The following RYR3 variants were observed in gnomAD, a reference collection of about 807,000 sequenced individuals.
RYR3 encodes brain ryanodine receptor-calcium release channel.
RYR3 carries 207 observed loss-of-function variants against 584.3 expected under a neutral mutation model. The observed-to-expected ratio is 0.35, with a 90% CI of 0.32 to 0.40. The LOEUF (loss-of-function observed/expected upper bound fraction) is 0.40, where lower values mean the gene tolerates loss of function less well. RYR3 is among the 10% of genes least tolerant of loss of function. RYR3 has a pLI of 1.00. For missense variants in RYR3, 5,616 were observed against 6,089.2 expected (o/e 0.92, Z 2.59); for synonymous variants, 2,416 against 2,248.5 (o/e 1.07, Z -2.11).
intron 1 of RYR3, among the ~76,000 whole-genome samples, chr15:33,414,089 C>A (rs938209086): frequency 6.6e-6 from 1 of 152,152 alleles, no homozygotes; most frequent in Admixed American, 6.5e-5. Context: ...GTTATATATT[C>A]GTACCTTCAG....
chr15:33,694,558 T>C (rs1023496681), intron 38 of RYR3, among the ~76,000 whole-genome samples: 15 of 138,898 alleles, frequency 1.1e-4, no homozygotes, highest in Non-Finnish European at 2.5e-4. Flanking sequence ...TTTTTTTGAA[T>C]AATATGACAG....
At chr15:33,831,183 A>G in intron 86 of RYR3, 92 bp downstream of exon 86, 2 of 1,248,920 alleles carry the variant, frequency 1.6e-6, no homozygotes, top group Non-Finnish European at 2.2e-6. Context: ...GATTGTACAC[A>G]GTGCACTATC....
intron 10 of RYR3, among the ~76,000 whole-genome samples, chr15:33,557,031 C>T (rs967091): frequency 6.6e-6 from 1 of 152,126 alleles, no homozygotes; most frequent in Non-Finnish European, 1.5e-5. Context: ...TGGTACAATT[C>T]ATTAGTTAAC....
At chr15:33,714,794 A>G (rs1016232417) in intron 43 of RYR3, among the ~76,000 whole-genome samples, 3 of 152,206 alleles carry the variant, frequency 2.0e-5, no homozygotes, top group African/African-American at 4.8e-5. Flanking sequence ...TGAAGAGTCT[A>G]TGAGGGGCTG....
chr15:33,562,337 A>T (rs1240241851), intron 10 of RYR3, among the ~76,000 whole-genome samples: 1 of 152,238 alleles, frequency 6.6e-6, no homozygotes. Flanking sequence ...ACCCCTGCGT[A>T]TTCAAAGGGT....
intron 85 of RYR3, among the ~76,000 whole-genome samples, chr15:33,830,626 C>T (rs1308507825): frequency 4.0e-5 from 6 of 151,068 alleles, no homozygotes; most frequent in African/African-American, 1.5e-4. Flanking sequence ...CTGGCACTTA[C>T]AATATTAGCT....
At chr15:33,534,623 G>A (rs1267476925) in intron 5 of RYR3, among the ~76,000 whole-genome samples, 3 of 152,104 alleles carry the variant, frequency 2.0e-5, no homozygotes, top group South Asian at 2.1e-4. Flanking sequence ...ATAAAGAACC[G>A]AGGACTAAGA....
chr15:33,811,553 A>ATGTTTGTTTGTTTGTTTGTT (rs57062262), intron 72 of RYR3, among the ~76,000 whole-genome samples: 18 of 150,274 alleles, frequency 1.2e-4, no homozygotes, highest in Non-Finnish European at 2.2e-4. Context: ...CCCTTAATGT[A>ATGTTTGTTTGTTTGTTTGTT]TGTTTGTTTG....
chr15:33,553,658 T>C (rs1463928315), intron 10 of RYR3, among the ~76,000 whole-genome samples: 1 of 152,166 alleles, frequency 6.6e-6, no homozygotes, highest in Non-Finnish European at 1.5e-5. Context: ...CAGCAGCTGA[T>C]GCAACTCAAA....
chr15:33,342,836 C>A (rs898475655), intron 1 of RYR3, among the ~76,000 whole-genome samples: 5 of 152,122 alleles, frequency 3.3e-5, no homozygotes, highest in African/African-American at 1.2e-4. Flanking sequence ...TAACTCACAG[C>A]CCAGAAGTTT....
intron 2 of RYR3, among the ~76,000 whole-genome samples, chr15:33,503,027 T>C (rs1390776469): frequency 6.6e-6 from 1 of 152,228 alleles, no homozygotes; most frequent in East Asian, 1.9e-4. Context: ...AATGTCACGA[T>C]GTTAACTGGT....
At chr15:33,788,139 C>T in intron 66 of RYR3, 79 bp from the exon 67 acceptor site, 1 of 1,576,284 alleles carries the variant, frequency 6.3e-7, no homozygotes, top group Non-Finnish European at 8.7e-7. Context: ...ATTCCACGGC[C>T]TCACCTTTCA....
chr15:33,666,938 A>G (rs897046511), intron 36 of RYR3, among the ~76,000 whole-genome samples: 58 of 152,354 alleles, frequency 3.8e-4, no homozygotes, highest in African/African-American at 1.2e-3. Flanking sequence ...AAAGAAATTC[A>G]TTTTCTAACT....
At chr15:33,365,086 G>C (rs1352153872) in intron 1 of RYR3, among the ~76,000 whole-genome samples, 1 of 152,172 alleles carries the variant, frequency 6.6e-6, no homozygotes, top group African/African-American at 2.4e-5. Flanking sequence ...TACCCAGAGG[G>C]CTGAGGGCTC....
intron 57 of RYR3, among the ~76,000 whole-genome samples, chr15:33,751,353 A>G (rs1352191543): frequency 6.6e-6 from 1 of 152,212 alleles, no homozygotes; most frequent in East Asian, 1.9e-4. Context: ...TCCCACCAAC[A>G]GTGTAAAAGT....
chr15:33,439,465 A>G (rs764392012), intron 1 of RYR3, among the ~76,000 whole-genome samples: 1 of 152,194 alleles, frequency 6.6e-6, no homozygotes, highest in Non-Finnish European at 1.5e-5. Context: ...TATCTTCTTC[A>G]TACTCTATTT....
intron 100 of RYR3, 62 bp downstream of exon 100, chr15:33,859,793 C>T: frequency 2.0e-6 from 3 of 1,489,874 alleles, no homozygotes; most frequent in African/African-American, 2.8e-5. Context: ...TGCTTTCTTC[C>T]ATCTATGACT....
At chr15:33,447,789 T>C (rs903887194) in intron 1 of RYR3, among the ~76,000 whole-genome samples, 1 of 152,200 alleles carries the variant, frequency 6.6e-6, no homozygotes, top group African/African-American at 2.4e-5. Context: ...TGAAAGTTCT[T>C]TTGTTCAGCA....
intron 1 of RYR3, among the ~76,000 whole-genome samples, chr15:33,378,655 A>G (rs2040931163): frequency 6.6e-6 from 1 of 152,252 alleles, no homozygotes; most frequent in Admixed American, 6.5e-5. Flanking sequence ...TTATTAGGAC[A>G]GAAAGCAGAT....
Sources: allele counts gnomAD v4.1 joint callset (sites outside exome capture counted in the v4.1 genomes callset), GRCh38; gene constraint gnomAD v4.1.1; transcripts MANE v1.5; gene names NCBI Gene and HGNC (gene_info 2026-07-23, HGNC 2026-07-21).